The following SORL1 variants were observed in gnomAD, a reference collection of about 807,000 sequenced individuals.
SORL1 encodes sortilin related receptor 1, also known as sortilin-related receptor.
A neutral mutation model predicts 273.7 loss-of-function variants in SORL1; 127 were observed. That is an observed-to-expected ratio of 0.46 (90% CI 0.40 to 0.54). The LOEUF (loss-of-function observed/expected upper bound fraction) is 0.54. Ranked by LOEUF, SORL1 falls within the 20% of genes least tolerant of loss-of-function variation. The pLI, the probability that SORL1 is intolerant of heterozygous loss-of-function variation, is 0.00. For synonymous variants in SORL1, 1,031 were observed against 1,067.4 expected (o/e 0.97, Z 0.66); for missense variants, 2,494 against 2,846.1 (o/e 0.88, Z 2.81).
chr11:121,616,584 A>G (rs554111704), intron 41 of SORL1, among the ~76,000 whole-genome samples: 19 of 151,864 alleles, frequency 1.3e-4, no homozygotes, highest in Admixed American at 6.6e-4. Context: ...CTCCCATCTC[A>G]TGCTTTGCAG....
Position 121,452,756 on chromosome 11 carries a change from A to C in SORL1, c.285+140A>C. 1 of 674,774 alleles carries C rather than the reference A, an allele frequency of 1.5e-6. No individual in the cohort carries two copies. Among genetic ancestry groups the C allele is most frequent in the Non-Finnish European group, 2.3e-6 (1 of 442,582 alleles). The allele number at this position is 674,774 out of a possible 1,614,324, so 41.8% of individuals were successfully genotyped here. A position where few individuals can be genotyped will look rare whatever the true frequency, so the allele number is the denominator to read the frequency against. On this transcript the variant is annotated intron_variant, in intron 1 of 47. Transcript: ENST00000260197. This position sits in a 1 kb window ranked among gnomAD's most constrained non-coding sequence, Gnocchi z 5.3. ...CGGCTTGCATTTGTTTTTTTCCTTC[A>C]CGAGTACAACCGTCAGCACTTGAAT...
At chr11:121,575,435 G>A (rs1283425459) in intron 24 of SORL1, among the ~76,000 whole-genome samples, 1 of 152,268 alleles carries the variant, frequency 6.6e-6, no homozygotes, top group Non-Finnish European at 1.5e-5. Context: ...AGTTGGCGGG[G>A]CCCTACTGTG....
At position 121,574,187 on chromosome 11, in the gene SORL1, T is replaced by A. The variant is rs376152119; in HGVS notation, c.3338-54T>A. On this transcript the variant is annotated intron_variant, in intron 23 of 47. Coordinates refer to ENST00000260197, the MANE Select transcript of SORL1 (RefSeq NM_003105.6). ...TGGTTTTCCAGTAGGATGTTTACAT[T>A]TGTGGGAAATCAATTGTACCTAAGG... 2.5e-6 allele frequency: 4 copies of A among 1,580,212 alleles called. No homozygotes were observed. In the African/African-American group the frequency reaches 4.0e-5, roughly 16 times the overall value.
At chr11:121,585,500 TACACACACACACACAC>T (rs58254356) in intron 26 of SORL1, among the ~76,000 whole-genome samples, 1 of 137,486 alleles carries the variant, frequency 7.3e-6, no homozygotes, top group African/African-American at 2.8e-5. Context: ...AAAATGTATA[TACACACACACACACAC>T]ACACACACAC....
At chr11:121,535,708 C>A (rs1210277846) in intron 12 of SORL1, among the ~76,000 whole-genome samples, 1 of 149,966 alleles carries the variant, frequency 6.7e-6, no homozygotes, top group Non-Finnish European at 1.5e-5. Flanking sequence ...TTAAGTTATG[C>A]ATGTCTTTCT....
Position 121,558,770 on chromosome 11 carries a change from T to G in SORL1, c.2843T>G (p.Phe948Cys), listed in dbSNP as rs1243260993. 2.5e-6 allele frequency: 4 copies of G among 1,614,040 alleles called. No individual in the cohort carries two copies. Among genetic ancestry groups the G allele is most frequent in the Non-Finnish European group, 3.4e-6 (4 of 1,180,042 alleles). ...CTGGAGTGCATAGAGCGGATCACGT[T>G]CAGTGGCCAGCAGCGCTCTGTCATT... ...AYLECIERIT[F>C]SGQQRSVILD... Residue 948 changes from phenylalanine (F) to cysteine (C), a missense_variant, in exon 20 of 48, where the codon TTC (phenylalanine) becomes TGC (cysteine). Physicochemically the swap from Phe to Cys is radical, Grantham distance 205. Coordinates refer to ENST00000260197, the MANE Select transcript of SORL1 (RefSeq NM_003105.6).
intron 21 of SORL1, among the ~76,000 whole-genome samples, chr11:121,565,015 T>A (rs1862735002): frequency 6.6e-6 from 1 of 152,226 alleles, no homozygotes; most frequent in Non-Finnish European, 1.5e-5. Context: ...TGGCTCTATG[T>A]CAATTCTGCA....
chr11:121,462,745 C>T (rs963935000), intron 1 of SORL1, among the ~76,000 whole-genome samples: 2 of 152,116 alleles, frequency 1.3e-5, no homozygotes, highest in Middle Eastern at 3.4e-3. Context: ...CCACCAGGCC[C>T]GTCTAGTTTT....
At position 121,554,984 on chromosome 11, in the gene SORL1, G is replaced by T; in HGVS notation, c.2440-203G>T. On this transcript the variant is annotated intron_variant, in intron 17 of 47. Coordinates refer to ENST00000260197, the MANE Select transcript of SORL1 (RefSeq NM_003105.6). The surrounding 1 kb of genome is among the most constrained non-coding windows in gnomAD (Gnocchi z 4.6). ...TATATGATTAAATTCTCTTTATTCT[G>T]CTTTAAAAAACAAAAATGTAGTATA... 2.4e-6 allele frequency: 1 copy of T among 417,744 alleles called. No individual in the cohort carries two copies. The highest frequency in any genetic ancestry group is 4.3e-6 in the Non-Finnish European group (1 of 233,050). 25.9% of individuals were successfully genotyped at this position (417,744 alleles called of 1,614,324 possible).
intron 11 of SORL1, among the ~76,000 whole-genome samples, chr11:121,530,804 G>A (rs1862192862): frequency 6.6e-6 from 1 of 151,776 alleles, no homozygotes; most frequent in Admixed American, 6.6e-5. Flanking sequence ...TTGTGTCCTT[G>A]GCAATCTTTC....
chr11:121,595,980 C>T lies in SORL1; in HGVS notation c.4519+208C>T, dbSNP rs142146762. Among the ~76,000 whole-genome samples, 146 of 152,268 alleles carry T rather than the reference C, an allele frequency of 9.6e-4. 1 individual carries two copies. Among genetic ancestry groups the T allele is most frequent in the African/African-American group, 3.4e-3 (142 of 41,550 alleles). ...CACCTTCTTTTTAATAAGTTGACTGCGTTTTAAATACCAGGAGCGTGTCCA... is the reference window on the plus strand; with the variant it reads ...CACCTTCTTTTTAATAAGTTGACTGTGTTTTAAATACCAGGAGCGTGTCCA... On this transcript the variant is annotated intron_variant, in intron 32 of 47. Coordinates refer to ENST00000260197, the MANE Select transcript of SORL1 (RefSeq NM_003105.6). The surrounding 1 kb of genome is among the most constrained non-coding windows in gnomAD (Gnocchi z 5.1).
chr11:121,594,000 A>G (rs1005417074), intron 31 of SORL1, among the ~76,000 whole-genome samples: 1 of 152,140 alleles, frequency 6.6e-6, no homozygotes, highest in African/African-American at 2.4e-5. Context: ...CTTAATTGAT[A>G]GTTGGGCTGG....
At chr11:121,588,406 G>T (rs1211886974) in intron 28 of SORL1, among the ~76,000 whole-genome samples, 1 of 152,114 alleles carries the variant, frequency 6.6e-6, no homozygotes, top group African/African-American at 2.4e-5. Context: ...ATGTATAAGG[G>T]GCAGGATGGC....
intron 23 of SORL1, among the ~76,000 whole-genome samples, chr11:121,573,061 C>G (rs571940615): frequency 3.9e-5 from 6 of 152,092 alleles, no homozygotes; most frequent in Non-Finnish European, 8.8e-5. Context: ...GGGTGTTTCA[C>G]GGGGTGCCAG....
chr11:121,588,548 A>G (rs957510628), intron 28 of SORL1, among the ~76,000 whole-genome samples: 3 of 152,126 alleles, frequency 2.0e-5, no homozygotes, highest in African/African-American at 7.2e-5. Flanking sequence ...ACTTGCCCCA[A>G]TTTGGACCTG....
chr11:121,576,746 C>G, intron 24 of SORL1: 6 of 1,464,524 alleles, frequency 4.1e-6, no homozygotes, highest in Non-Finnish European at 5.4e-6. Flanking sequence ...ACCCGTGTCC[C>G]TGGAGCTCTG....
intron 45 of SORL1, among the ~76,000 whole-genome samples, chr11:121,624,390 C>T (rs1033135032): frequency 6.6e-6 from 1 of 152,174 alleles, no homozygotes; most frequent in Non-Finnish European, 1.5e-5. Flanking sequence ...GCCCTCATCC[C>T]AGCTAGTATC....
At chr11:121,515,023 G>T (rs1474469366) in intron 8 of SORL1, among the ~76,000 whole-genome samples, 1 of 152,130 alleles carries the variant, frequency 6.6e-6, no homozygotes, top group African/African-American at 2.4e-5. Context: ...AGAGTCTCCC[G>T]TGTGAAGCTG....
At chr11:121,492,267 A>G (rs921954430) in intron 5 of SORL1, among the ~76,000 whole-genome samples, 15 of 152,290 alleles carry the variant, frequency 9.8e-5, no homozygotes, top group African/African-American at 3.1e-4. Context: ...AGGCTGAGGC[A>G]GGAGAATCGC....
Sources: gnomAD v4.1 joint callset for allele counts (sites outside exome capture counted in the v4.1 genomes callset) on GRCh38, gnomAD v4.1.1 for gene constraint, Gnocchi (gnomAD v3.1) non-coding constraint, MANE v1.5 for transcripts, NCBI Gene and HGNC (gene_info 2026-07-23, HGNC 2026-07-21) for gene names.